The following PCDHA3 variants were observed in gnomAD, a reference collection of about 807,000 sequenced individuals.
PCDHA3 encodes protocadherin alpha 3.
In PCDHA3, 41 loss-of-function variants were observed where a neutral mutation model predicts 62.2. That is an observed-to-expected ratio of 0.66 (90% CI 0.51 to 0.86). The LOEUF (loss-of-function observed/expected upper bound fraction) is 0.86, where lower values mean the gene tolerates loss of function less well. Among genes scored for constraint, PCDHA3 ranks in the 40% least tolerant of loss-of-function variants. The pLI is 0.00. For synonymous variants in PCDHA3, 640 were observed against 555.4 expected, an observed-to-expected ratio of 1.15 and a Z score of -2.14; for missense variants, 1,304 against 1,241.2, an observed-to-expected ratio of 1.05 and a Z score of -0.76.
At chr5:140,924,732 T>TA (rs1333846222) in intron 1 of PCDHA3, among the ~76,000 whole-genome samples, 2 of 151,706 alleles carry the variant, frequency 1.3e-5, no homozygotes, top group African/African-American at 4.8e-5. Flanking sequence ...TCACCTCTAA[T>TA]AAAAATACAA....
chr5:140,913,960 T>A (rs114058923), intron 1 of PCDHA3, among the ~76,000 whole-genome samples: 2,762 of 152,276 alleles, frequency 0.018, 70 homozygotes, highest in African/African-American at 0.054. Context: ...ATATCATTTT[T>A]AAAAAAATAT....
chr5:140,851,897 C>T (rs1308914587), intron 1 of PCDHA3: 1 of 973,518 alleles, frequency 1.0e-6, no homozygotes, highest in African/African-American at 1.8e-5. Context: ...TGAGATTTGC[C>T]TCTTTAATGT....
At chr5:140,811,841 A>T (rs1300716407) in intron 1 of PCDHA3, 6 of 152,020 alleles carry the variant, frequency 3.9e-5, no homozygotes, top group African/African-American at 1.4e-4. Flanking sequence ...ACTTTTTGAT[A>T]GGGTTTTTTG....
At chr5:140,988,043 A>G (rs2153870251) in intron 3 of PCDHA3, among the ~76,000 whole-genome samples, 1 of 152,336 alleles carries the variant, frequency 6.6e-6, no homozygotes, top group Non-Finnish European at 1.5e-5. Context: ...GAATCTGTTT[A>G]GGAGCACTGT....
At chr5:140,844,873 C>T (rs2150374535) in intron 1 of PCDHA3, among the ~76,000 whole-genome samples, 1 of 149,368 alleles carries the variant, frequency 6.7e-6, no homozygotes, top group African/African-American at 2.4e-5. Flanking sequence ...ATTAAATACC[C>T]ATTAGACTTC....
intron 1 of PCDHA3, chr5:140,883,108 AT>A (rs1261032162): frequency 6.2e-7 from 1 of 1,614,018 alleles, no homozygotes; most frequent in Non-Finnish European, 8.5e-7. Flanking sequence ...TAGTTTACTC[AT>A]TTAGAAGGCC....
At chr5:140,884,698 A>G (rs782573200) in intron 1 of PCDHA3, 13 of 1,502,610 alleles carry the variant, frequency 8.7e-6, no homozygotes, top group African/African-American at 1.4e-5. Context: ...CTTAGTAAAC[A>G]CTTTAGCCTT....
At chr5:140,933,036 A>G (rs545196190) in intron 1 of PCDHA3, among the ~76,000 whole-genome samples, 5 of 152,154 alleles carry the variant, frequency 3.3e-5, no homozygotes, top group South Asian at 4.1e-4. Context: ...CTTCAAGTGA[A>G]TATGGATTAC....
chr5:140,980,057 C>T (rs559895684), intron 2 of PCDHA3, among the ~76,000 whole-genome samples: 2 of 152,272 alleles, frequency 1.3e-5, no homozygotes, highest in East Asian at 3.9e-4. Context: ...GATTCAGAAG[C>T]AATCAGTGAA....
At position 140,807,209 on chromosome 5, in the gene PCDHA3, G is replaced by A. The variant is rs782421232; in HGVS notation, c.2394+3618G>A. On this transcript the variant is annotated intron_variant, in intron 1 of 3. Transcript: ENST00000522353. ...AAAGATGGAGTTTTCCTGGGGAAGC[G>A]GCCAGGAATCCCGGCGTCTGCTGCT... 2.2e-5 allele frequency: 36 copies of A among 1,613,838 alleles called. No individual in the cohort carries two copies. Among genetic ancestry groups the A allele is most frequent in the Non-Finnish European group, 3.1e-5 (36 of 1,179,840 alleles).
chr5:140,935,242 A>G (rs1054515711), intron 1 of PCDHA3, among the ~76,000 whole-genome samples: 16 of 152,218 alleles, frequency 1.1e-4, no homozygotes, highest in African/African-American at 3.6e-4. Context: ...ATTTTTTAAA[A>G]GATAAAATAC....
chr5:140,900,227 G>C (rs1425549345), intron 1 of PCDHA3, among the ~76,000 whole-genome samples: 1 of 152,038 alleles, frequency 6.6e-6, no homozygotes, highest in Admixed American at 6.6e-5. Flanking sequence ...CAAATGACTG[G>C]ATCTTGTTTT....
chr5:140,830,527 A>T (rs1409686582), intron 1 of PCDHA3: 11 of 1,307,954 alleles, frequency 8.4e-6, no homozygotes, highest in Non-Finnish European at 1.1e-5. Context: ...TTTATTTTAA[A>T]TTTATAATTG....
intron 1 of PCDHA3, among the ~76,000 whole-genome samples, chr5:140,959,972 AAAG>A (rs1460302752): frequency 2.0e-5 from 3 of 152,328 alleles, no homozygotes; most frequent in South Asian, 4.1e-4. Flanking sequence ...GATGTTACTG[AAAG>A]AAGAAGTTGG....
At chr5:140,926,391 A>G (rs76822698) in intron 1 of PCDHA3, 1 of 152,346 alleles carries the variant, frequency 6.6e-6, no homozygotes, top group East Asian at 1.9e-4. Context: ...GGGCTCAGCC[A>G]CAGTTATCAG....
At chr5:140,883,190 C>G in intron 1 of PCDHA3, 1 of 1,613,818 alleles carries the variant, frequency 6.2e-7, no homozygotes, top group Non-Finnish European at 8.5e-7. Context: ...AAAAGGCAAA[C>G]TAGATTTCGA....
At chr5:140,824,875 A>C (rs1229928755) in intron 1 of PCDHA3, 16 of 152,018 alleles carry the variant, frequency 1.1e-4, no homozygotes, top group African/African-American at 3.9e-4. Flanking sequence ...TTTTTGCAGC[A>C]TATGGTTTAT....
At chr5:140,879,237 G>C (rs999977997) in intron 1 of PCDHA3, among the ~76,000 whole-genome samples, 14 of 152,134 alleles carry the variant, frequency 9.2e-5, no homozygotes, top group African/African-American at 3.4e-4. Context: ...TATACAAGAG[G>C]CACTGGCAAA....
chr5:140,855,355 C>T (rs1489669614), intron 1 of PCDHA3, among the ~76,000 whole-genome samples: 3 of 149,796 alleles, frequency 2.0e-5, no homozygotes, highest in African/African-American at 7.3e-5. Context: ...AGTCATGTGG[C>T]TAGTGAGTAG....
Sources: gnomAD v4.1 joint callset for allele counts (sites outside exome capture counted in the v4.1 genomes callset) on GRCh38, gnomAD v4.1.1 for gene constraint, MANE v1.5 for transcripts, NCBI Gene and HGNC (gene_info 2026-07-23, HGNC 2026-07-21) for gene names.